BRWD3: variants seen among roughly 807,000 people sequenced by gnomAD.
BRWD3 encodes bromodomain and WD repeat domain containing 3.
A neutral mutation model predicts 149.7 loss-of-function variants in BRWD3; 10 were observed. That is an observed-to-expected ratio of 0.07 (90% CI 0.04 to 0.11). BRWD3 has a LOEUF of 0.11. Among genes scored for constraint, BRWD3 ranks in the 10% least tolerant of loss-of-function variants. BRWD3 has a pLI of 1.00. For missense variants in BRWD3, 940 were observed against 1,373.2 expected, an observed-to-expected ratio of 0.68 and a Z score of 4.99; for synonymous variants, 504 against 456.7, an observed-to-expected ratio of 1.10 and a Z score of -1.32.
chrX:80,742,870 A>T (rs1235538244), intron 8 of BRWD3, among the ~76,000 whole-genome samples: 3 of 111,164 alleles, frequency 2.7e-5, no homozygotes, highest in African/African-American at 9.8e-5. Flanking sequence ...CTCTTTTCCT[A>T]ATTGAATACC....
At chrX:80,706,216 C>T (rs1330383324) in intron 22 of BRWD3, among the ~76,000 whole-genome samples, 10 of 110,354 alleles carry the variant, frequency 9.1e-5, no homozygotes, top group Non-Finnish European at 1.9e-4. Flanking sequence ...TCAAGAAATT[C>T]TCCTGTCTCA....
In BRWD3 at chrX:80,809,461, G is replaced by C; in HGVS notation, c.11C>G (p.Ala4Gly). The C allele has an allele frequency of 8.6e-7, 1 of 1,169,347 alleles. No homozygotes were observed. The highest frequency in any genetic ancestry group is 1.8e-5 in the African/African-American group (1 of 56,733). Residue 4 changes from alanine (A) to glycine (G), a missense_variant, in exon 1 of 41, where the codon GCA becomes GGA. Coordinates refer to ENST00000373275, the MANE Select transcript of BRWD3 (RefSeq NM_153252.5). MAA[A>G]PTQIEAELYY... ...CCCACCGGCTTCGATCTGGGTAGGT[G>C]CTGCCGCCATCCTTTTCCCGAGGGG...
At chrX:80,766,944 A>G (rs968299937) in intron 6 of BRWD3, among the ~76,000 whole-genome samples, 1 of 112,219 alleles carries the variant, frequency 8.9e-6, no homozygotes, top group Non-Finnish European at 1.9e-5. Flanking sequence ...AGCAAATGGC[A>G]CACTAGGAGA....
intron 6 of BRWD3, among the ~76,000 whole-genome samples, chrX:80,767,030 G>A (rs1481794686): frequency 8.9e-6 from 1 of 112,565 alleles, no homozygotes; most frequent in Non-Finnish European, 1.9e-5. Context: ...GTCTGAGATC[G>A]ACCTGCAAGG....
chrX:80,737,979 A>G (rs887030814), intron 8 of BRWD3, among the ~76,000 whole-genome samples: 1 of 112,762 alleles, frequency 8.9e-6, no homozygotes, highest in Admixed American at 9.4e-5. Context: ...CTGCTTTTGC[A>G]CTATGGGAAC....
chrX:80,695,602 G>A (rs1248850905), intron 27 of BRWD3, among the ~76,000 whole-genome samples: 1 of 111,448 alleles, frequency 9.0e-6, no homozygotes, highest in African/African-American at 3.3e-5. Context: ...ATCACAATCA[G>A]TAATCATGTG....
intron 21 of BRWD3, among the ~76,000 whole-genome samples, chrX:80,707,934 G>A (rs2072892160): frequency 9.0e-6 from 1 of 111,519 alleles, no homozygotes; most frequent in Admixed American, 9.6e-5. Context: ...TCCAGTTTAG[G>A]TAATAACTCA....
chrX:80,782,045 A>G (rs1281177353), intron 6 of BRWD3, among the ~76,000 whole-genome samples: 1 of 111,684 alleles, frequency 9.0e-6, no homozygotes, highest in East Asian at 2.8e-4. Context: ...CCCAGAATAG[A>G]TGACACCATC....
At chrX:80,762,134 A>C (rs1428730343) in intron 6 of BRWD3, among the ~76,000 whole-genome samples, 1 of 111,765 alleles carries the variant, frequency 8.9e-6, no homozygotes, top group Non-Finnish European at 1.9e-5. Context: ...CCAACTTTAT[A>C]GTTAAGATTG....
At chrX:80,780,753 A>G (rs2074048224) in intron 6 of BRWD3, among the ~76,000 whole-genome samples, 1 of 112,189 alleles carries the variant, frequency 8.9e-6, no homozygotes, top group Non-Finnish European at 1.9e-5. Flanking sequence ...AGAGTGAGGC[A>G]GGCCACAAAA....
intron 4 of BRWD3, among the ~76,000 whole-genome samples, chrX:80,807,778 T>A (rs1312055589): frequency 1.8e-5 from 2 of 111,777 alleles, no homozygotes; most frequent in Non-Finnish European, 3.8e-5. Context: ...TCCATTGTTG[T>A]CTCCTTGTAA....
intron 14 of BRWD3, among the ~76,000 whole-genome samples, chrX:80,725,395 T>C (rs755525156): frequency 8.0e-5 from 9 of 111,965 alleles, no homozygotes; most frequent in Non-Finnish European, 1.5e-4. Context: ...ACAAACAGAA[T>C]CTTTCAATAA....
At chrX:80,690,926 T>A in intron 31 of BRWD3, 127 bp downstream of exon 31, 1 of 821,785 alleles carries the variant, frequency 1.2e-6, no homozygotes, top group East Asian at 3.4e-5. Context: ...GTTCTAAATT[T>A]TTAAAGGAAA....
At chrX:80,747,620 T>A (rs1377684317) in intron 6 of BRWD3, among the ~76,000 whole-genome samples, 1 of 111,972 alleles carries the variant, frequency 8.9e-6, no homozygotes, top group Non-Finnish European at 1.9e-5. Flanking sequence ...ATTTCTTTCA[T>A]CAATGTTTTA....
intron 27 of BRWD3, among the ~76,000 whole-genome samples, 164 bp downstream of exon 27, chrX:80,695,744 T>A (rs1015905695): frequency 3.6e-5 from 4 of 112,326 alleles, no homozygotes; most frequent in African/African-American, 1.3e-4. Context: ...ACACACAATG[T>A]GCATAAGAAA....
chrX:80,714,739 C>T (rs1225505289), intron 20 of BRWD3, among the ~76,000 whole-genome samples: 2 of 111,790 alleles, frequency 1.8e-5, no homozygotes, highest in Admixed American at 9.5e-5. Context: ...TTTGATTCTT[C>T]GTCAAAGGCA....
chrX:80,736,684 C>T (rs554663789), intron 8 of BRWD3, among the ~76,000 whole-genome samples: 11 of 100,043 alleles, frequency 1.1e-4, no homozygotes, highest in African/African-American at 4.0e-4. Context: ...TGTGGGAAAA[C>T]GGAGATCAAG....
At position 80,673,454 on chromosome X, in the gene BRWD3, T is replaced by C. The variant is rs2072338915; in HGVS notation, c.*3155A>G. On this transcript the variant is annotated 3_prime_UTR_variant, in exon 41 of 41. Coordinates refer to ENST00000373275, the MANE Select transcript of BRWD3 (RefSeq NM_153252.5). ...AGACTGTCCTCCATACAAAATGTTC[T>C]CTTTTTTTGAATGTCTGAGATAAGG... 1 of 111,240 alleles carries C rather than the reference T, an allele frequency of 9.0e-6. No individual in the cohort carries two copies. The highest frequency in any genetic ancestry group is 1.9e-5 in the Non-Finnish European group (1 of 53,003). The allele number at this position is 111,240 out of a possible 1,213,427, so 9.2% of individuals were successfully genotyped here. A position where few individuals can be genotyped will look rare whatever the true frequency, so the allele number is the denominator to read the frequency against.
chrX:80,800,494 C>A (rs1365132700), intron 4 of BRWD3, among the ~76,000 whole-genome samples: 1 of 100,270 alleles, frequency 1.0e-5, no homozygotes, highest in Non-Finnish European at 2.0e-5. Context: ...GAGCCATGAT[C>A]GAGCCACTGC....
Sources: allele counts gnomAD v4.1 joint callset (sites outside exome capture counted in the v4.1 genomes callset), GRCh38; gene constraint gnomAD v4.1.1; transcripts MANE v1.5; gene names NCBI Gene and HGNC (gene_info 2026-07-23, HGNC 2026-07-21).